The following CEACAM21 variants were observed in gnomAD, a reference collection of about 807,000 sequenced individuals.
CEACAM21 encodes the protein cell adhesion molecule CEACAM21.
In CEACAM21, 38 loss-of-function variants were observed where a neutral mutation model predicts 33.2. The ratio of observed to expected loss-of-function variants is 1.14; its 90% confidence interval spans 0.88 to 1.50. CEACAM21 has a LOEUF of 1.50. Ranked by LOEUF, CEACAM21 falls within the 40% of genes most tolerant of loss-of-function variation. The probability of loss-of-function intolerance (pLI) is 0.00; values close to 1 mark genes in which losing one functional copy is unlikely to be tolerated. For synonymous variants in CEACAM21, 156 were observed against 143.0 expected (o/e 1.09, Z -0.65); for missense variants, 385 against 364.6 (o/e 1.06, Z -0.46).
In CEACAM21 at chr19:41,579,552, C is replaced by G. The variant is rs145055281; in HGVS notation, c.624C>G (p.Asp208Glu). The change falls in exon 3 of 7, where the codon GAC becomes GAG. Residue 208 changes from aspartate to glutamate, a missense_variant. Asp to Glu is a conservative substitution (Grantham distance 45, BLOSUM62 2). Coordinates refer to ENST00000401445, the MANE Select transcript of CEACAM21 (RefSeq NM_001098506.4). The stretch of plus-strand genomic sequence containing the variant: ...CCATAGACCCCATCAGGCAGGAGGA[C>G]GCTGGGGAGTATCAGTGTGAGGTCT... The part of the protein sequence containing the change: ...VLTIDPIRQE[D>E]AGEYQCEVSN... 6.2e-7 allele frequency: 1 copy of G among 1,608,294 alleles called. No homozygotes were observed. Among genetic ancestry groups the G allele is most frequent in the South Asian group, 1.1e-5 (1 of 90,208 alleles).
At chr19:41,566,518 T>A (rs2042275964) in intron 2 of CEACAM21, among the ~76,000 whole-genome samples, 1 of 152,222 alleles carries the variant, frequency 6.6e-6, no homozygotes, top group Non-Finnish European at 1.5e-5. Flanking sequence ...ATATAAGCCA[T>A]ACGTATGATA....
intron 2 of CEACAM21, among the ~76,000 whole-genome samples, chr19:41,565,295 G>A (rs2042178686): frequency 6.6e-6 from 1 of 152,118 alleles, no homozygotes; most frequent in Non-Finnish European, 1.5e-5. Context: ...GGGGTGGGGA[G>A]CCTAAGGAGA....
upstream of CEACAM21, among the ~76,000 whole-genome samples, chr19:41,571,420 C>T (rs983564791): frequency 1.3e-5 from 2 of 152,068 alleles, no homozygotes; most frequent in African/African-American, 2.4e-5. Context: ...CAACAAAAAC[C>T]AGAATGACAC....
At chr19:41,552,706 A>G (rs183088978) in intron 1 of CEACAM21, among the ~76,000 whole-genome samples, 119 of 152,292 alleles carry the variant, frequency 7.8e-4, no homozygotes, top group African/African-American at 2.7e-3. Context: ...GGTCATCGTT[A>G]TGGGGCACCG....
chr19:41,556,638 T>C (rs1429432845), intron 1 of CEACAM21, among the ~76,000 whole-genome samples: 1 of 152,156 alleles, frequency 6.6e-6, no homozygotes, highest in Non-Finnish European at 1.5e-5. Flanking sequence ...GGTAAAAAAG[T>C]CAAATGCCAC....
intron 4 of CEACAM21, among the ~76,000 whole-genome samples, chr19:41,584,832 C>T (rs372672803): frequency 7.7e-4 from 118 of 152,310 alleles, no homozygotes; most frequent in African/African-American, 2.8e-3. Context: ...GAGACTGGAA[C>T]AGCCTGGACG....
At chr19:41,566,815 G>A (rs1555788420) in intron 2 of CEACAM21, among the ~76,000 whole-genome samples, 1 of 152,080 alleles carries the variant, frequency 6.6e-6, no homozygotes, top group East Asian at 1.9e-4. Context: ...ATTATCAACT[G>A]TCTTTTTAAT....
chr19:41,586,200 G>T, intron 6 of CEACAM21: 1 of 566,020 alleles, frequency 1.8e-6, no homozygotes, highest in East Asian at 3.2e-5. Flanking sequence ...TATGAGGTGA[G>T]TGGGGGCCAC....
chr19:41,586,058 C>G, intron 6 of CEACAM21, 187 bp downstream of exon 6: 2 of 639,138 alleles, frequency 3.1e-6, no homozygotes, highest in South Asian at 3.7e-5. Flanking sequence ...GTGCTAACCC[C>G]ACCCTGGGAC....
intron 3 of CEACAM21, among the ~76,000 whole-genome samples, chr19:41,580,902 G>T (rs1555793293): frequency 6.6e-6 from 1 of 152,190 alleles, no homozygotes; most frequent in Non-Finnish European, 1.5e-5. Flanking sequence ...ATCCTACCTG[G>T]GTCAGTGACC....
At chr19:41,581,582 T>A (rs913184404) in intron 3 of CEACAM21, among the ~76,000 whole-genome samples, 1 of 152,132 alleles carries the variant, frequency 6.6e-6, no homozygotes, top group Admixed American at 6.5e-5. Context: ...GTAATTTTTT[T>A]AAAAATGAGG....
At position 41,577,197 on chromosome 19, in the gene CEACAM21, T is replaced by C; in HGVS notation, c.65-3T>C. 1 of 1,613,934 alleles carries C rather than the reference T, an allele frequency of 6.2e-7. No homozygotes were observed. Among genetic ancestry groups the C allele is most frequent in the African/African-American group, 1.3e-5 (1 of 75,014 alleles). On this transcript the variant is annotated splice_region_variant and splice_polypyrimidine_tract_variant and intron_variant, in intron 1 of 6. Coordinates refer to ENST00000401445, the MANE Select transcript of CEACAM21 (RefSeq NM_001098506.4). ...ATTGACTGATATTCTCTCCCTTTCCTAGCCTCACTTTTAACTTTCTGGAAC... is the reference window on the plus strand; with the variant it reads ...ATTGACTGATATTCTCTCCCTTTCCCAGCCTCACTTTTAACTTTCTGGAAC...
intron 2 of CEACAM21, among the ~76,000 whole-genome samples, chr19:41,571,071 C>A (rs1441638060): frequency 2.6e-5 from 4 of 152,040 alleles, no homozygotes; most frequent in African/African-American, 7.3e-5. Context: ...GGGTGTTCAG[C>A]ACCATCCACC....
chr19:41,565,966 G>A (rs1254224114), intron 2 of CEACAM21, among the ~76,000 whole-genome samples: 2 of 145,014 alleles, frequency 1.4e-5, no homozygotes, highest in Admixed American at 1.4e-4. Context: ...TTTTTGGGGG[G>A]GCGGGGGGGG....
intron 1 of CEACAM21, among the ~76,000 whole-genome samples, chr19:41,553,483 G>A (rs1027683971): frequency 2.0e-5 from 3 of 152,092 alleles, no homozygotes; most frequent in Admixed American, 2.0e-4. Flanking sequence ...ATTTGTACGA[G>A]GTGCAGCAAG....
chr19:41,569,614 C>T (rs1029943406), intron 2 of CEACAM21, among the ~76,000 whole-genome samples: 2 of 152,040 alleles, frequency 1.3e-5, no homozygotes, highest in Non-Finnish European at 2.9e-5. Context: ...GCACTGTTCC[C>T]ATCAGAGTGC....
intron 2 of CEACAM21, among the ~76,000 whole-genome samples, chr19:41,578,357 T>C (rs2043114045): frequency 6.6e-6 from 1 of 151,950 alleles, no homozygotes; most frequent in Non-Finnish European, 1.5e-5. Flanking sequence ...TTTGGAGCTA[T>C]TCTGTGCCAA....
rs1305473352 is a variant in CEACAM21 at position 41,585,310 on chromosome 19, A to G, written c.798-133A>G. 3.4e-6 allele frequency: 3 copies of G among 880,490 alleles called. No individual in the cohort carries two copies. The African/African-American group carries it at 5.0e-5, about 15-fold the overall frequency. The allele number at this position is 880,490 out of a possible 1,614,324, so 54.5% of individuals were successfully genotyped here. On this transcript the variant is annotated intron_variant, in intron 4 of 6. Coordinates refer to ENST00000401445, the MANE Select transcript of CEACAM21 (RefSeq NM_001098506.4). ...AACTCCCCTCACCTGGGCCCCTCCT[A>G]CCACAGAACTCCATAAAGAAAGGAG...
chr19:41,565,795 A>G (rs2042220652), intron 2 of CEACAM21, among the ~76,000 whole-genome samples: 1 of 152,214 alleles, frequency 6.6e-6, no homozygotes, highest in Non-Finnish European at 1.5e-5. Flanking sequence ...GTGGCAAAAT[A>G]GGAAAATGGG....
Sources: gnomAD v4.1 joint callset for allele counts (sites outside exome capture counted in the v4.1 genomes callset) on GRCh38, gnomAD v4.1.1 for gene constraint, MANE v1.5 for transcripts, NCBI Gene and HGNC (gene_info 2026-07-23, HGNC 2026-07-21) for gene names.